DMRT1: variants seen among roughly 807,000 people sequenced by gnomAD.
The protein encoded by DMRT1 is doublesex and mab-3 related transcription factor 1, also known as doublesex- and mab-3-related transcription factor 1.
In DMRT1, 7 loss-of-function variants were observed where a neutral mutation model predicts 32.3. That is an observed-to-expected ratio of 0.22 (90% confidence interval 0.12 to 0.41). The LOEUF (loss-of-function observed/expected upper bound fraction) is 0.41, where lower values mean the gene tolerates loss of function less well. DMRT1 is among the 10% of genes least tolerant of loss of function. DMRT1 has a pLI of 1.00. For synonymous variants in DMRT1, 278 were observed against 206.1 expected (o/e 1.35, Z -2.99); for missense variants, 625 against 500.5 (o/e 1.25, Z -2.37).
chr9:858,860 AAAAAAAAAAAAT>A (rs1476978579), intron 2 of DMRT1, among the ~76,000 whole-genome samples: 8 of 105,176 alleles, frequency 7.6e-5, no homozygotes, highest in East Asian at 3.4e-4. Flanking sequence ...TCTCAAAAAA[AAAAAAAAAAAAT>A]ATATATATAT....
Position 871,627 on chromosome 9 carries a change from C to T in DMRT1, c.539-22285C>T, listed in dbSNP as rs1426449642. 1.2e-4 allele frequency among the ~76,000 whole-genome samples: 4 copies of T among 33,744 alleles called. No homozygotes were observed. In the East Asian group the frequency reaches 2.3e-3, roughly 20 times the overall value. 22.1% of individuals were successfully genotyped at this position (33,744 alleles called of 152,430 possible). On this transcript the variant is annotated intron_variant, in intron 2 of 4. Coordinates refer to ENST00000382276, the MANE Select transcript of DMRT1 (RefSeq NM_021951.3). ...AAGTGCTGGGATTACAGACGCGAGC[C>T]ACCGCGCCGGCTAACTTTTTGTATT...
At chr9:906,132 T>A (rs1441246564) in intron 3 of DMRT1, among the ~76,000 whole-genome samples, 1 of 152,104 alleles carries the variant, frequency 6.6e-6, no homozygotes, top group East Asian at 1.9e-4. Context: ...TCATTTCAAT[T>A]AGTTGGAGGT....
At chr9:915,421 A>T (rs1818140237) in intron 3 of DMRT1, among the ~76,000 whole-genome samples, 1 of 152,192 alleles carries the variant, frequency 6.6e-6, no homozygotes, top group East Asian at 1.9e-4. Flanking sequence ...TGCTTCTTAT[A>T]TAAAAGCTAT....
intron 4 of DMRT1, among the ~76,000 whole-genome samples, chr9:961,159 C>T (rs992937944): frequency 6.6e-6 from 1 of 152,182 alleles, no homozygotes; most frequent in Non-Finnish European, 1.5e-5. Context: ...GACCCCTCTA[C>T]TCTGTTGCAT....
At chr9:948,284 T>A (rs1256890915) in intron 4 of DMRT1, among the ~76,000 whole-genome samples, 1 of 152,156 alleles carries the variant, frequency 6.6e-6, no homozygotes, top group Non-Finnish European at 1.5e-5. Flanking sequence ...GTTTTTCTCA[T>A]CGTTATCTTA....
At chr9:925,271 T>G (rs16926097) in intron 4 of DMRT1, among the ~76,000 whole-genome samples, 8,794 of 152,280 alleles carry the variant, frequency 0.058, 578 homozygotes, top group African/African-American at 0.16. Flanking sequence ...TCGTTCCTCA[T>G]CTACTTGGAG....
chr9:849,551 C>G (rs1056117185), intron 2 of DMRT1, among the ~76,000 whole-genome samples: 5 of 152,186 alleles, frequency 3.3e-5, no homozygotes, highest in African/African-American at 1.2e-4. Flanking sequence ...GAACGACTCT[C>G]ACAAGGGTGT....
At chr9:925,530 C>T (rs187547570) in intron 4 of DMRT1, among the ~76,000 whole-genome samples, 41 of 152,290 alleles carry the variant, frequency 2.7e-4, no homozygotes, top group Admixed American at 1.6e-3. Flanking sequence ...GGCAGAGCGC[C>T]GTGACTTCCT....
intron 2 of DMRT1, among the ~76,000 whole-genome samples, chr9:870,964 A>G (rs1160127576): frequency 6.6e-6 from 1 of 150,804 alleles, no homozygotes; most frequent in South Asian, 2.1e-4. Flanking sequence ...TCCTCCTGAC[A>G]CCCAAAGTGC....
intron 4 of DMRT1, among the ~76,000 whole-genome samples, chr9:952,429 C>T (rs961555917): frequency 2.0e-5 from 3 of 152,092 alleles, no homozygotes; most frequent in Admixed American, 6.5e-5. Flanking sequence ...TTTAAAATTA[C>T]GGTGTAATCA....
chr9:909,779 CAT>C (rs765378805), intron 3 of DMRT1, among the ~76,000 whole-genome samples: 14 of 152,124 alleles, frequency 9.2e-5, no homozygotes, highest in Non-Finnish European at 1.9e-4. Context: ...GCAGGGCAAA[CAT>C]AGCTTACTGC....
At chr9:875,929 C>G (rs1816481519) in intron 2 of DMRT1, among the ~76,000 whole-genome samples, 1 of 152,184 alleles carries the variant, frequency 6.6e-6, no homozygotes, top group Admixed American at 6.5e-5. Flanking sequence ...GCCCCTGTCT[C>G]TGGCCAAAAA....
chr9:848,460 A>G (rs1305674642), intron 2 of DMRT1, among the ~76,000 whole-genome samples: 2 of 152,192 alleles, frequency 1.3e-5, no homozygotes, highest in South Asian at 4.1e-4. Flanking sequence ...CTGACTATGT[A>G]ATTAACAGAG....
At chr9:893,876 T>C in intron 2 of DMRT1, 36 bp from the exon 3 acceptor site, 1 of 1,596,794 alleles carries the variant, frequency 6.3e-7, no homozygotes, top group Non-Finnish European at 8.6e-7. Context: ...CTAACATTAA[T>C]ACCATGTTGT....
intron 2 of DMRT1, among the ~76,000 whole-genome samples, chr9:855,438 A>G (rs1460144197): frequency 5.3e-5 from 8 of 152,196 alleles, no homozygotes; most frequent in Non-Finnish European, 1.2e-4. Flanking sequence ...TCTGTATAGT[A>G]CAGTACCTGG....
At chr9:924,220 C>T (rs980907248) in intron 4 of DMRT1, among the ~76,000 whole-genome samples, 7 of 151,956 alleles carry the variant, frequency 4.6e-5, no homozygotes, top group East Asian at 3.9e-4. Context: ...TACAGGGGTG[C>T]ACCACCACAC....
At chr9:916,286 C>G (rs1586613403) in intron 3 of DMRT1, among the ~76,000 whole-genome samples, 1 of 152,136 alleles carries the variant, frequency 6.6e-6, no homozygotes, top group Non-Finnish European at 1.5e-5. Context: ...AGAAAGGGCA[C>G]CATCATAGTT....
intron 4 of DMRT1, among the ~76,000 whole-genome samples, chr9:931,068 A>C (rs1586633337): frequency 6.6e-6 from 1 of 152,106 alleles, no homozygotes; most frequent in African/African-American, 2.4e-5. Flanking sequence ...TTCTGTCTCT[A>C]TGAATTTGCC....
intron 2 of DMRT1, among the ~76,000 whole-genome samples, chr9:893,672 T>C (rs542712874): frequency 6.6e-6 from 1 of 152,364 alleles, no homozygotes; most frequent in East Asian, 1.9e-4. Context: ...AAATCACCTC[T>C]AAAATGGTTT....
Sources: gnomAD v4.1 joint callset for allele counts (sites outside exome capture counted in the v4.1 genomes callset) on GRCh38, gnomAD v4.1.1 for gene constraint, MANE v1.5 for transcripts, NCBI Gene and HGNC (gene_info 2026-07-23, HGNC 2026-07-21) for gene names.